TNS1: variants seen among roughly 807,000 people sequenced by gnomAD.
The protein encoded by TNS1 is tensin-1.
Under a neutral mutation model 168.6 loss-of-function variants are expected in TNS1, and 62 were observed. That is an observed-to-expected ratio of 0.37 (90% CI 0.30 to 0.45). The LOEUF (loss-of-function observed/expected upper bound fraction) is 0.45, where lower values mean the gene tolerates loss of function less well. Among genes scored for constraint, TNS1 ranks in the 20% least tolerant of loss-of-function variants. The pLI, the probability that TNS1 is intolerant of heterozygous loss-of-function variation, is 1.00. For missense variants in TNS1, 2,240 were observed against 2,339.4 expected, an observed-to-expected ratio of 0.96 and a Z score of 0.88; for synonymous variants, 934 against 933.2, an observed-to-expected ratio of 1.00 and a Z score of -0.02.
chr2:217,998,617 C>G (rs796226379), intron 1 of TNS1, among the ~76,000 whole-genome samples: 26 of 152,312 alleles, frequency 1.7e-4, no homozygotes, highest in African/African-American at 6.3e-4. Context: ...CCTTCCACCT[C>G]AGCCTCCAAG....
At chr2:217,973,567 C>A (rs1310099615) in intron 3 of TNS1, among the ~76,000 whole-genome samples, 1 of 152,102 alleles carries the variant, frequency 6.6e-6, no homozygotes, top group Non-Finnish European at 1.5e-5. Context: ...CTGGCTCTGA[C>A]CCAGGCCCCT....
Position 217,870,346 on chromosome 2 carries a change from A to C in TNS1, c.1429+10552T>G, listed in dbSNP as rs570160788. Among the ~76,000 whole-genome samples, 27 of 152,376 alleles carry C rather than the reference A, an allele frequency of 1.8e-4. No homozygotes were observed. The South Asian group carries it at 5.4e-3, about 30-fold the overall frequency. On this transcript the variant is annotated intron_variant, in intron 18 of 32. Transcript: ENST00000682258. ...AGTGCCCACCACCTAGCAGGGGATC[A>C]GTTAAGTAACTGGAAACAGAAAGGA... is the stretch of plus-strand genomic sequence containing the variant.
intron 19 of TNS1, among the ~76,000 whole-genome samples, chr2:217,841,592 G>C (rs1479338020): frequency 6.6e-6 from 1 of 152,084 alleles, no homozygotes; most frequent in Non-Finnish European, 1.5e-5. Context: ...CCTCCTGCTG[G>C]CCAGCACCAC....
chr2:217,973,645 A>C (rs1162639215), intron 3 of TNS1, among the ~76,000 whole-genome samples: 1 of 152,202 alleles, frequency 6.6e-6, no homozygotes, highest in African/African-American at 2.4e-5. Context: ...TTTAACCCAG[A>C]GCAGACCAGA....
chr2:217,920,998 G>A (rs1443991123), intron 3 of TNS1, among the ~76,000 whole-genome samples: 3 of 150,512 alleles, frequency 2.0e-5, no homozygotes, highest in Admixed American at 6.6e-5. Context: ...GGAGGGAGAG[G>A]GAAGAGGAGA....
chr2:217,920,056 A>G (rs1472958599), intron 4 of TNS1, 139 bp downstream of exon 4: 2 of 672,812 alleles, frequency 3.0e-6, no homozygotes, highest in African/African-American at 1.8e-5. Flanking sequence ...GCTTCGGCCC[A>G]GGGAGGTCGA....
At chr2:217,845,697 A>G (rs1303881103) in intron 19 of TNS1, among the ~76,000 whole-genome samples, 1 of 152,222 alleles carries the variant, frequency 6.6e-6, no homozygotes, top group African/African-American at 2.4e-5. Flanking sequence ...AGAATATGGA[A>G]GTTGACAGTC....
At chr2:217,808,507 G>GCACACACA (rs112279658) in intron 31 of TNS1, 96 bp downstream of exon 31, 8 of 1,020,526 alleles carry the variant, frequency 7.8e-6, no homozygotes, top group East Asian at 5.1e-5. Flanking sequence ...GTATGCACAT[G>GCACACACA]CACACACACA....
Position 217,995,615 on chromosome 2 carries a change from T to C in TNS1, c.34-4559A>G, listed in dbSNP as rs1958455270. On this transcript the variant is annotated intron_variant, in intron 1 of 32. Transcript: ENST00000682258. The surrounding 1 kb of genome is among the most constrained non-coding windows in gnomAD (Gnocchi z 4.1). ...CAAGGGTAGTGGCTTGTTAGGGCAA[T>C]GATCGTCACTTTTCCTGACAAGTGG... Among the ~76,000 whole-genome samples the C allele has an allele frequency of 6.6e-6, 1 of 152,052 alleles. No homozygotes were observed. Among genetic ancestry groups the C allele is most frequent in the South Asian group, 2.1e-4 (1 of 4,820 alleles).
At position 217,880,516 on chromosome 2, in the gene TNS1, TG is replaced by T. The variant is rs1196254042; in HGVS notation, c.1429+381del. On this transcript the variant is annotated intron_variant, in intron 18 of 32. Coordinates refer to ENST00000682258, the MANE Select transcript of TNS1 (RefSeq NM_001387777.1). The surrounding 1 kb of genome is among the most constrained non-coding windows in gnomAD (Gnocchi z 4.2). ...GACAAATGCTGTTTTTGCAGCACAG[TG>T]GGGGGTATCTCAAGCTCCACTCAAG... Among the ~76,000 whole-genome samples, 1 of 151,994 alleles carries T rather than the reference TG, an allele frequency of 6.6e-6. No individual in the cohort carries two copies. Among genetic ancestry groups the T allele is most frequent in the East Asian group, 1.9e-4 (1 of 5,172 alleles).
chr2:217,813,422 T>C lies in TNS1; in HGVS notation c.4862-115A>G. On this transcript the variant is annotated intron_variant, in intron 26 of 32. Coordinates refer to ENST00000682258, the MANE Select transcript of TNS1 (RefSeq NM_001387777.1). The surrounding 1 kb of genome is among the most constrained non-coding windows in gnomAD (Gnocchi z 4.0). The stretch of plus-strand genomic sequence containing the variant: ...GCGGGGCCAAGATGGGAGAAATGAC[T>C]GAAGAGAGAACGTGGCTGGAGCCCC... 3 of 1,014,328 alleles carry C rather than the reference T, an allele frequency of 3.0e-6. No individual in the cohort carries two copies. Among genetic ancestry groups the C allele is most frequent in the Non-Finnish European group, 3.0e-6 (2 of 671,438 alleles). The allele number at this position is 1,014,328 out of a possible 1,614,324, so 62.8% of individuals were successfully genotyped here. A position where few individuals can be genotyped will look rare whatever the true frequency, so the allele number is the denominator to read the frequency against.
At chr2:218,002,540 A>G (rs1283839989) in intron 1 of TNS1, among the ~76,000 whole-genome samples, 1 of 125,544 alleles carries the variant, frequency 8.0e-6, no homozygotes, top group Non-Finnish European at 1.6e-5. Context: ...AAGAGAAGCA[A>G]ACTTCTCTGT....
intron 22 of TNS1, 113 bp from the exon 23 acceptor site, chr2:217,822,051 G>T: frequency 8.5e-7 from 1 of 1,171,702 alleles, no homozygotes. Flanking sequence ...TGGGAACATA[G>T]GAATAGCCCC....
intron 1 of TNS1, among the ~76,000 whole-genome samples, chr2:217,993,475 G>C (rs1958415113): frequency 6.6e-6 from 1 of 152,236 alleles, no homozygotes; most frequent in Admixed American, 6.5e-5. Context: ...CGCTTCTGCG[G>C]TATCCCTGCC....
chr2:217,961,280 G>GAGAGAGA (rs60120059), intron 3 of TNS1, among the ~76,000 whole-genome samples: 2 of 151,444 alleles, frequency 1.3e-5, no homozygotes, highest in African/African-American at 2.4e-5. Context: ...GAGAGAGAGA[G>GAGAGAGA]GCTGAAGCTG....
chr2:217,871,144 T>C (rs1949737445), intron 18 of TNS1, among the ~76,000 whole-genome samples: 1 of 152,180 alleles, frequency 6.6e-6, no homozygotes, highest in Non-Finnish European at 1.5e-5. Context: ...AGAGGACCAA[T>C]CTGCCTGTCA....
chr2:217,821,491 A>T (rs914343065), intron 23 of TNS1, among the ~76,000 whole-genome samples: 6 of 152,202 alleles, frequency 3.9e-5, no homozygotes, highest in Admixed American at 3.9e-4. Flanking sequence ...CACTCCTTCC[A>T]GCACAGTTTT....
intron 3 of TNS1, among the ~76,000 whole-genome samples, chr2:217,956,430 G>T (rs6147174): frequency 1.5e-5 from 1 of 68,476 alleles, no homozygotes; most frequent in South Asian, 4.1e-4. Flanking sequence ...TAACAAGGAC[G>T]CAGAAAAGAG....
intron 3 of TNS1, among the ~76,000 whole-genome samples, chr2:217,921,141 G>T (rs1481302109): frequency 6.6e-6 from 1 of 152,182 alleles, no homozygotes; most frequent in Non-Finnish European, 1.5e-5. Context: ...ATTAGCAGGG[G>T]CATTTATCAG....
Sources: gnomAD v4.1 joint callset for allele counts (sites outside exome capture counted in the v4.1 genomes callset) on GRCh38, gnomAD v4.1.1 for gene constraint, Gnocchi (gnomAD v3.1) non-coding constraint, MANE v1.5 for transcripts, NCBI Gene and HGNC (gene_info 2026-07-23, HGNC 2026-07-21) for gene names.